ANK2: variants seen among roughly 807,000 people sequenced by gnomAD.
ANK2 encodes ankyrin 2, also known as ankyrin-2.
In ANK2, 83 loss-of-function variants were observed where a neutral mutation model predicts 360.5. The observed-to-expected ratio is 0.23, with a 90% CI of 0.19 to 0.28. The LOEUF is 0.28. ANK2 is among the 10% of genes least tolerant of loss of function. ANK2 has a pLI of 1.00. For missense variants in ANK2, 4,201 were observed against 4,795.7 expected, an observed-to-expected ratio of 0.88 and a Z score of 3.66; for synonymous variants, 1,740 against 1,759.5, an observed-to-expected ratio of 0.99 and a Z score of 0.28.
chr4:112,921,538 A>G (rs911256237), intron 2 of ANK2, among the ~76,000 whole-genome samples: 2 of 151,870 alleles, frequency 1.3e-5, no homozygotes, highest in East Asian at 1.9e-4. Flanking sequence ...CACAGGTGCA[A>G]TCATAGCACA....
At chr4:112,775,662 C>T in the ANK2 span, among the ~76,000 whole-genome samples, 8 of 152,202 alleles carry the variant, frequency 5.3e-5, no homozygotes, top group Non-Finnish European at 1.0e-4. Flanking sequence ...AGAGGTTGCT[C>T]ACGGCTTTTG....
intron 2 of ANK2, among the ~76,000 whole-genome samples, chr4:113,017,651 C>T (rs1398029381): frequency 2.0e-5 from 3 of 152,148 alleles, no homozygotes; most frequent in African/African-American, 4.8e-5. Context: ...CATTCACACG[C>T]AGAATTTTGT....
At chr4:113,204,785 A>G (rs1020324146) in intron 4 of ANK2, among the ~76,000 whole-genome samples, 7 of 152,140 alleles carry the variant, frequency 4.6e-5, no homozygotes, top group Non-Finnish European at 8.8e-5. Context: ...CTGCTTGCCT[A>G]GGCGCTTAGA....
the ANK2 span, among the ~76,000 whole-genome samples, chr4:112,791,529 C>T: frequency 1.4e-5 from 2 of 142,934 alleles, no homozygotes; most frequent in African/African-American, 5.2e-5. Context: ...GGCTCTGTTG[C>T]CCAGGCTGGA....
chr4:112,738,874 C>T, the ANK2 span: 8 of 662,864 alleles, frequency 1.2e-5, no homozygotes, highest in African/African-American at 7.2e-5. Context: ...AACAAACAAA[C>T]AAACAAACAA....
chr4:113,183,093 G>T (rs1166607694), intron 2 of ANK2, among the ~76,000 whole-genome samples: 1 of 152,054 alleles, frequency 6.6e-6, no homozygotes, highest in South Asian at 2.1e-4. Context: ...AAGATGTATG[G>T]GCAGAGGAGC....
At chr4:113,072,132 C>G (rs2077804920) in intron 1 of ANK2, among the ~76,000 whole-genome samples, 1 of 152,180 alleles carries the variant, frequency 6.6e-6, no homozygotes, top group Non-Finnish European at 1.5e-5. Context: ...CAAACCATAT[C>G]AGTAGGCATC....
At chr4:112,981,884 A>G (rs1001188480) in intron 2 of ANK2, among the ~76,000 whole-genome samples, 1 of 152,162 alleles carries the variant, frequency 6.6e-6, no homozygotes, top group East Asian at 1.9e-4. Flanking sequence ...GACCCTAATG[A>G]TATTAATTCA....
At position 113,357,694 on chromosome 4, in the gene ANK2, G is replaced by A. The variant is rs779927856; in HGVS notation, c.9076G>A (p.Val3026Ile). The A allele has an allele frequency of 2.5e-6, 4 of 1,614,044 alleles. No homozygotes were observed. The highest frequency in any genetic ancestry group is 3.4e-6 in the Non-Finnish European group (4 of 1,180,006). The change falls in exon 38 of 46, where the codon GTT becomes ATT. Residue 3026 changes from valine to isoleucine, a missense_variant. Around this residue, in one of 4 missense-constraint regions of ANK2, gnomAD observed 2,642 missense variants for 2,714.5 expected, o/e 0.97. Coordinates refer to ENST00000357077, the MANE Select transcript of ANK2 (RefSeq NM_001148.6). ...TACTATGTCCGCTACAACAACAGTT[G>A]TTGGTGAACAAATAAGCAAAGTCAT... ...EPTMSATTTV[V>I]GEQISKVIIT... is the part of the protein sequence containing the mutation.
At chr4:112,728,571 C>G in the ANK2 span, among the ~76,000 whole-genome samples, 2 of 151,532 alleles carry the variant, frequency 1.3e-5, no homozygotes, top group Non-Finnish European at 2.9e-5. Flanking sequence ...GGCAAAATGG[C>G]AAAACCCTGT....
Position 113,343,106 on chromosome 4 carries a change from T to C in ANK2, c.4212T>C (p.Phe1404=). 1 of 1,613,870 alleles carries C rather than the reference T, an allele frequency of 6.2e-7. No homozygotes were observed. Among genetic ancestry groups the C allele is most frequent in the Non-Finnish European group, 8.5e-7 (1 of 1,179,804 alleles). ...GCCAGCATCATATATTCAGTTTTTT[T>C]GCCTTCAAAGAAAATAGACTTCCTC... ...KSGQHHIFSF[F]AFKENRLPLF... is the part of the protein sequence containing the mutation. Residue 1404 remains phenylalanine, a synonymous_variant, in exon 34 of 46, where the codon TTT becomes TTC. Transcript: ENST00000357077.
chr4:113,355,624 G>A lies in ANK2; in HGVS notation c.7006G>A (p.Ala2336Thr), dbSNP rs1564016699. The A allele has an allele frequency of 6.2e-7, 1 of 1,614,064 alleles. No homozygotes were observed. Among genetic ancestry groups the A allele is most frequent in the African/African-American group, 1.3e-5 (1 of 75,020 alleles). The change falls in exon 38 of 46, where the codon GCT becomes ACT. Residue 2336 changes from alanine (A) to threonine (T), a missense_variant. By Grantham distance (58) the Ala-to-Thr change is moderately conservative (BLOSUM62 0). This residue lies in a region of ANK2 where 2,642 missense variants were observed against 2,714.5 expected (regional missense o/e 0.97). Transcript: ENST00000357077. ...DCTGSCSVAL[A>T]KETPTGLTEE... ...CACAGGCAGCTGTAGTGTAGCATTA[G>A]CTAAAGAGACACCTACAGGACTGAC...
chr4:113,043,900 C>T (rs1275208586), intron 2 of ANK2, among the ~76,000 whole-genome samples: 1 of 152,128 alleles, frequency 6.6e-6, no homozygotes, highest in African/African-American at 2.4e-5. Flanking sequence ...ATAGATCTGG[C>T]AGGCATTCCT....
chr4:113,151,249 C>A, intron 1 of ANK2: 1 of 741,402 alleles, frequency 1.3e-6, no homozygotes, highest in Non-Finnish European at 1.9e-6. Context: ...TACTTGTTGT[C>A]GTAGTTCATT....
At position 113,277,938 on chromosome 4, in the gene ANK2, A is replaced by G. The variant is rs1253375262; in HGVS notation, c.1782+3A>G. 1 of 1,611,218 alleles carries G rather than the reference A, an allele frequency of 6.2e-7. No homozygotes were observed. The highest frequency in any genetic ancestry group is 8.5e-7 in the Non-Finnish European group (1 of 1,177,644). On this transcript the variant is annotated splice_donor_region_variant and intron_variant, in intron 16 of 45. Transcript: ENST00000357077. ...CTGCCGCAGATTCTGCAGGGAAGGT[A>G]AAGATTTTCTATACGTTATAATTAT...
intron 2 of ANK2, among the ~76,000 whole-genome samples, chr4:112,912,005 G>A (rs1317445184): frequency 6.6e-6 from 1 of 151,574 alleles, no homozygotes; most frequent in Admixed American, 6.6e-5. Context: ...GTGAAACCCC[G>A]TCTCTACTAA....
chr4:113,249,762 A>G lies in ANK2; in HGVS notation c.892-2A>G, dbSNP rs2153601323. The G allele has an allele frequency of 6.2e-7, 1 of 1,614,086 alleles. No homozygotes were observed. ...GGCCTAATTCTTTAATTCTTTTGGC[A>G]GGATGGGTTGACACCACTTCACTGT... On this transcript the variant is annotated splice_acceptor_variant, in intron 9 of 45. Coordinates refer to ENST00000357077, the MANE Select transcript of ANK2 (RefSeq NM_001148.6). LOFTEE classifies it high-confidence loss of function.
At chr4:113,359,625 A>C (rs781282722) in intron 38 of ANK2, among the ~76,000 whole-genome samples, 9 of 152,156 alleles carry the variant, frequency 5.9e-5, no homozygotes, top group Non-Finnish European at 1.2e-4. Flanking sequence ...CCAAGCTTAG[A>C]CTCAAATTAA....
chr4:113,162,950 TTGAC>T, intron 1 of ANK2, among the ~76,000 whole-genome samples: 1 of 152,260 alleles, frequency 6.6e-6, no homozygotes, highest in South Asian at 2.1e-4. Flanking sequence ...AACCTGCTGT[TTGAC>T]TGATTTATTT....
Sources: allele counts gnomAD v4.1 joint callset (sites outside exome capture counted in the v4.1 genomes callset), GRCh38; gene constraint gnomAD v4.1.1; regional missense constraint gnomAD v4.1.1; transcripts MANE v1.5; gene names NCBI Gene and HGNC (gene_info 2026-07-23, HGNC 2026-07-21).